Variants in GRM1 observed in about 807,000 individuals in gnomAD.
GRM1 encodes glutamate metabotropic receptor 1.
In GRM1, 33 loss-of-function variants were observed where a neutral mutation model predicts 90.9. The ratio of observed to expected loss-of-function variants is 0.36; its 90% CI spans 0.28 to 0.49. GRM1 has a LOEUF of 0.49. Among genes scored for constraint, GRM1 ranks in the 20% least tolerant of loss-of-function variants. The probability of loss-of-function intolerance (pLI) is 0.99; values close to 1 mark genes in which losing one functional copy is unlikely to be tolerated. For missense variants in GRM1, 1,190 were observed against 1,534.3 expected, an observed-to-expected ratio of 0.78 and a Z score of 3.75; for synonymous variants, 700 against 613.2, an observed-to-expected ratio of 1.14 and a Z score of -2.09.
chr6:146,412,404 T>A (rs1777603428), intron 7 of GRM1, among the ~76,000 whole-genome samples: 1 of 152,142 alleles, frequency 6.6e-6, no homozygotes, highest in Admixed American at 6.5e-5. Context: ...GTGCAGTCTT[T>A]GGGGTTCATA....
intron 7 of GRM1, among the ~76,000 whole-genome samples, chr6:146,401,395 C>T (rs1160554218): frequency 6.6e-6 from 1 of 151,772 alleles, no homozygotes; most frequent in Non-Finnish European, 1.5e-5. Flanking sequence ...TATCAGGGAG[C>T]ATGAAAGCAA....
At chr6:146,378,040 C>T (rs1445998265) in intron 5 of GRM1, among the ~76,000 whole-genome samples, 2 of 152,206 alleles carry the variant, frequency 1.3e-5, no homozygotes, top group Non-Finnish European at 2.9e-5. Flanking sequence ...TGGTGGCTTA[C>T]ACATGGTATT....
At chr6:146,161,040 G>A (rs1255632665) in intron 2 of GRM1, among the ~76,000 whole-genome samples, 2 of 152,168 alleles carry the variant, frequency 1.3e-5, no homozygotes, top group Non-Finnish European at 2.9e-5. Context: ...AAGAAGGTAA[G>A]CAGTATTGTT....
Position 146,173,663 on chromosome 6 carries a change from A to G in GRM1, c.950+14066A>G, listed in dbSNP as rs1356891954. On this transcript the variant is annotated intron_variant, in intron 2 of 7. Transcript: ENST00000282753. ...AAATTGCAGAATAATTTTTTTCCTGAGGTTCTTTTTTTTTTTTTTTCGAGA... is the reference window on the plus strand; with the variant it reads ...AAATTGCAGAATAATTTTTTTCCTGGGGTTCTTTTTTTTTTTTTTTCGAGA... Among the ~76,000 whole-genome samples the G allele has an allele frequency of 1.8e-4, 25 of 141,798 alleles. 1 individual carries two copies. Among genetic ancestry groups the G allele is most frequent in the Non-Finnish European group, 1.0e-4 (7 of 66,812 alleles). The allele number at this position is 141,798 out of a possible 152,430, so 93.0% of individuals were successfully genotyped here.
rs972984966 is a variant in GRM1 at position 146,139,906 on chromosome 6, C to G, written c.701-19442C>G. On this transcript the variant is annotated intron_variant, in intron 1 of 7. Coordinates refer to ENST00000282753, the MANE Select transcript of GRM1 (RefSeq NM_001278064.2). ...CCTTCCCTTCCCTTCCCTTCCCTTC[C>G]CTTCCCTTCCCTCCCCTCCCCTCCC... Among the ~76,000 whole-genome samples, 24 of 115,810 alleles carry G rather than the reference C, an allele frequency of 2.1e-4. 1 individual carries two copies. The highest frequency in any genetic ancestry group is 7.1e-5 in the Non-Finnish European group (4 of 56,736). The allele number at this position is 115,810 out of a possible 152,430, so 76.0% of individuals were successfully genotyped here. A position where few individuals can be genotyped will look rare whatever the true frequency, so the allele number is the denominator to read the frequency against.
chr6:146,435,999 C>T lies in GRM1; in HGVS notation c.*1203C>T, dbSNP rs536827537. ...CCTATTGTCACTGAAGTCCTTGTAA[C>T]TAGCGAGTGAATGTGTTCCTGTGTC... On this transcript the variant is annotated 3_prime_UTR_variant, in exon 8 of 8. Transcript: ENST00000282753. 3 of 152,742 alleles carry T rather than the reference C, an allele frequency of 2.0e-5. No individual in the cohort carries two copies. The highest frequency in any genetic ancestry group is 4.1e-4 in the South Asian group (2 of 4,820). 9.5% of individuals were successfully genotyped at this position (152,742 alleles called of 1,614,324 possible).
At chr6:146,264,618 C>T (rs1781813934) in intron 2 of GRM1, among the ~76,000 whole-genome samples, 1 of 151,540 alleles carries the variant, frequency 6.6e-6, no homozygotes, top group Non-Finnish European at 1.5e-5. Flanking sequence ...ATTTGGACTT[C>T]CACAGTACCC....
At chr6:146,304,885 T>C in intron 3 of GRM1, 39 bp downstream of exon 3, 1 of 1,352,324 alleles carries the variant, frequency 7.4e-7, no homozygotes, top group Non-Finnish European at 1.1e-6. Flanking sequence ...AGAGGTTTGG[T>C]CATCTCTTCT....
intron 2 of GRM1, among the ~76,000 whole-genome samples, chr6:146,285,781 G>A (rs1782745087): frequency 6.6e-6 from 1 of 152,070 alleles, no homozygotes; most frequent in South Asian, 2.1e-4. Flanking sequence ...TTTTTATTAG[G>A]TTTCTCCTGC....
At chr6:146,293,768 AT>A (rs1193121031) in intron 2 of GRM1, among the ~76,000 whole-genome samples, 2 of 151,700 alleles carry the variant, frequency 1.3e-5, no homozygotes, top group African/African-American at 4.8e-5. Context: ...TACTGATTTC[AT>A]TGTTAAATAT....
chr6:146,379,427 T>A (rs1776235253), intron 5 of GRM1, among the ~76,000 whole-genome samples: 1 of 152,164 alleles, frequency 6.6e-6, no homozygotes, highest in Admixed American at 6.6e-5. Flanking sequence ...TTGTTTCTTT[T>A]TAATTATTTC....
In GRM1 at chr6:146,194,437, C is replaced by T. The variant is rs949240373; in HGVS notation, c.950+34840C>T. On this transcript the variant is annotated intron_variant, in intron 2 of 7. Coordinates refer to ENST00000282753, the MANE Select transcript of GRM1 (RefSeq NM_001278064.2). ...TAATGTTATATTTCCTTAACTTTCT[C>T]GACTTCATTGGCCAAGTCTCTAAAT... 3.9e-5 allele frequency among the ~76,000 whole-genome samples: 6 copies of T among 152,276 alleles called. No homozygotes were observed. The East Asian group carries it at 9.7e-4, about 24-fold the overall frequency.
chr6:146,200,972 G>T (rs1439713109), intron 2 of GRM1, among the ~76,000 whole-genome samples: 1 of 152,110 alleles, frequency 6.6e-6, no homozygotes, highest in African/African-American at 2.4e-5. Context: ...AACTCATAGG[G>T]AAACATGAGA....
intron 2 of GRM1, among the ~76,000 whole-genome samples, chr6:146,275,280 CT>C (rs1413550522): frequency 6.6e-6 from 1 of 152,094 alleles, no homozygotes; most frequent in East Asian, 1.9e-4. Flanking sequence ...TAAGCTAGAC[CT>C]TTTAAGGTGG....
At chr6:146,296,390 G>A (rs1384561281) in intron 2 of GRM1, among the ~76,000 whole-genome samples, 2 of 152,198 alleles carry the variant, frequency 1.3e-5, no homozygotes, top group East Asian at 3.9e-4. Context: ...TGACATATCC[G>A]TCACTACACA....
At chr6:146,290,088 G>A (rs1435308011) in intron 2 of GRM1, among the ~76,000 whole-genome samples, 1 of 152,150 alleles carries the variant, frequency 6.6e-6, no homozygotes, top group Middle Eastern at 3.2e-3. Context: ...TAACTGTCAG[G>A]AAAACATGAT....
In GRM1 at chr6:146,435,653, C is replaced by G. The variant is rs1778573558; in HGVS notation, c.*857C>G. The G allele has an allele frequency of 6.6e-6, 1 of 152,584 alleles. No individual in the cohort carries two copies. Among genetic ancestry groups the G allele is most frequent in the Non-Finnish European group, 1.5e-5 (1 of 68,040 alleles). The allele number at this position is 152,584 out of a possible 1,614,324, so 9.5% of individuals were successfully genotyped here. A position where few individuals can be genotyped will look rare whatever the true frequency, so the allele number is the denominator to read the frequency against. ...AAACACATGATCAGCTTCTCATGTT[C>G]CATATTCACTTATTGGCGATTTGGG... On this transcript the variant is annotated 3_prime_UTR_variant, in exon 8 of 8. Coordinates refer to ENST00000282753, the MANE Select transcript of GRM1 (RefSeq NM_001278064.2).
chr6:146,274,876 A>T (rs1040503368), intron 2 of GRM1, among the ~76,000 whole-genome samples: 2 of 152,118 alleles, frequency 1.3e-5, no homozygotes, highest in Non-Finnish European at 1.5e-5. Context: ...TTAGCTAACT[A>T]AAAATTAGCC....
Position 146,128,110 on chromosome 6 carries a change from A to C in GRM1, c.701-31238A>C, listed in dbSNP as rs1008278339. On this transcript the variant is annotated intron_variant, in intron 1 of 7. Coordinates refer to ENST00000282753, the MANE Select transcript of GRM1 (RefSeq NM_001278064.2). ...CTACTTTCCAAGGGCAAGTATCCCT[A>C]GGTGTACAGGAAAAACCTGTAGCAC... 2.6e-5 allele frequency among the ~76,000 whole-genome samples: 4 copies of C among 152,250 alleles called. No individual in the cohort carries two copies. The East Asian group carries it at 5.8e-4, about 22-fold the overall frequency.
Sources: gnomAD v4.1 joint callset for allele counts (sites outside exome capture counted in the v4.1 genomes callset) on GRCh38, gnomAD v4.1.1 for gene constraint, MANE v1.5 for transcripts, NCBI Gene and HGNC (gene_info 2026-07-23, HGNC 2026-07-21) for gene names.